ATP2C2: variants seen among roughly 807,000 people sequenced by gnomAD.
ATP2C2 encodes ATPase secretory pathway Ca2+ transporting 2, also known as calcium-transporting ATPase type 2C member 2.
A neutral mutation model predicts 110.8 loss-of-function variants in ATP2C2; 171 were observed. That is an observed-to-expected ratio of 1.54 (90% CI 1.36 to 1.75). The LOEUF (loss-of-function observed/expected upper bound fraction) is 1.75. ATP2C2 is among the 40% of genes most tolerant of loss of function. The pLI, the probability that ATP2C2 is intolerant of heterozygous loss-of-function variation, is 0.00. For synonymous variants in ATP2C2, 804 were observed against 508.4 expected (o/e 1.58, Z -7.82); for missense variants, 1,963 against 1,235.0 (o/e 1.59, Z -8.84).
chr16:84,376,034 G>T (rs893408433), intron 1 of ATP2C2, among the ~76,000 whole-genome samples: 1 of 152,130 alleles, frequency 6.6e-6, no homozygotes, highest in Non-Finnish European at 1.5e-5. Context: ...GATCCCCAGG[G>T]GTGGCGGTGT....
chr16:84,405,955 G>A (rs1225039736), intron 3 of ATP2C2, among the ~76,000 whole-genome samples: 2 of 152,198 alleles, frequency 1.3e-5, no homozygotes, highest in African/African-American at 4.8e-5. Flanking sequence ...ATTTCAGATA[G>A]ATAAACAAGA....
intron 1 of ATP2C2, among the ~76,000 whole-genome samples, chr16:84,390,041 C>G (rs989522692): frequency 2.0e-5 from 3 of 152,124 alleles, no homozygotes; most frequent in Admixed American, 1.3e-4. Flanking sequence ...CTTTATCCCA[C>G]GGCAGCCCTG....
chr16:84,439,269 T>G lies in ATP2C2; in HGVS notation c.1090T>G (p.Leu364Val). ...CAAGAAGCGGGTCATCGTGAAGAAG[T>G]TACCCATCGTGGAGACTTTAGGTGA... The part of the protein sequence containing the change: ...MAKKRVIVKK[L>V]PIVETLGCCS... The change falls in exon 12 of 27, where the codon TTA (leucine) becomes GTA (valine). Residue 364 changes from leucine (L) to valine (V), a missense_variant. Transcript: ENST00000262429. The G allele has an allele frequency of 6.2e-7, 1 of 1,612,728 alleles. No homozygotes were observed. Among genetic ancestry groups the G allele is most frequent in the Non-Finnish European group, 8.5e-7 (1 of 1,180,014 alleles).
Position 84,445,197 on chromosome 16 carries a change from G to A in ATP2C2, c.1402-1132G>A, listed in dbSNP as rs73245998. Among the ~76,000 whole-genome samples, 991 of 150,936 alleles carry A rather than the reference G, an allele frequency of 6.6e-3. 12 individuals carry two copies. The highest frequency in any genetic ancestry group is 0.023 in the African/African-American group (942 of 41,228). On this transcript the variant is annotated intron_variant, in intron 15 of 26. Transcript: ENST00000262429. ...GAGGTGCTCCCCGCCACGCCTCTGC[G>A]CAGCGTTTTCCTCTTTTTTTTTTTT...
At chr16:84,439,586 A>G (rs931077) in intron 13 of ATP2C2, 62 bp downstream of exon 13, 676,648 of 1,468,256 alleles carry the variant, frequency 0.46, 158,363 homozygotes, top group East Asian at 0.64. Flanking sequence ...CTCCTTTCTA[A>G]ACTAAGCACA....
intron 2 of ATP2C2, among the ~76,000 whole-genome samples, chr16:84,399,496 G>A (rs926627488): frequency 9.9e-5 from 15 of 152,248 alleles, no homozygotes; most frequent in Admixed American, 8.5e-4. Context: ...CTTTTGTTGC[G>A]ACCAGAACAA....
intron 3 of ATP2C2, among the ~76,000 whole-genome samples, chr16:84,406,335 G>A (rs1050997120): frequency 1.3e-5 from 2 of 152,238 alleles, no homozygotes; most frequent in Non-Finnish European, 2.9e-5. Context: ...TGAACAGGCA[G>A]AATTTTCCAG....
chr16:84,427,703 C>A (rs978406922), intron 11 of ATP2C2, among the ~76,000 whole-genome samples: 1 of 152,028 alleles, frequency 6.6e-6, no homozygotes, highest in Non-Finnish European at 1.5e-5. Flanking sequence ...GGTGACAGAG[C>A]AAGAGACTGT....
chr16:84,445,513 C>G, intron 15 of ATP2C2, among the ~76,000 whole-genome samples: 1 of 152,118 alleles, frequency 6.6e-6, no homozygotes, highest in Middle Eastern at 3.2e-3. Context: ...CGGCCTTCCT[C>G]CTCTTATATC....
rs140732640 is a variant in ATP2C2 at position 84,442,824 on chromosome 16, C to T, written c.1401+225C>T. Among the ~76,000 whole-genome samples the T allele has an allele frequency of 4.1e-3, 620 of 152,208 alleles. 5 individuals are homozygous for T. The highest frequency in any genetic ancestry group is 0.014 in the African/African-American group (592 of 41,510). On this transcript the variant is annotated intron_variant, in intron 15 of 26. Coordinates refer to ENST00000262429, the MANE Select transcript of ATP2C2 (RefSeq NM_014861.4). ...TGCAGGTCTCTAATCCCTCCACCAG[C>T]GATTCCAAAAGAATCCTATGAGCTT...
intron 10 of ATP2C2, among the ~76,000 whole-genome samples, chr16:84,423,522 G>C (rs915460745): frequency 1.3e-5 from 2 of 152,212 alleles, no homozygotes; most frequent in African/African-American, 4.8e-5. Flanking sequence ...TCCAAAGTCC[G>C]TGGGTGTATT....
intron 1 of ATP2C2, among the ~76,000 whole-genome samples, chr16:84,393,302 G>T (rs1249306899): frequency 1.3e-5 from 2 of 152,186 alleles, no homozygotes; most frequent in African/African-American, 2.4e-5. Context: ...GATGAGGGGG[G>T]TGCCCAGGTA....
At position 84,460,011 on chromosome 16, in the gene ATP2C2, G is replaced by A. The variant is rs74413265; in HGVS notation, c.2333+625G>A. On this transcript the variant is annotated intron_variant, in intron 23 of 26. Coordinates refer to ENST00000262429, the MANE Select transcript of ATP2C2 (RefSeq NM_014861.4). ...CCCATCTGGCCACGTGTGCGTAACC[G>A]TATGAGCACAGAGCCAGTGCTTCCG... 2.5e-4 allele frequency: 58 copies of A among 229,632 alleles called. No homozygotes were observed. In the East Asian group the frequency reaches 5.5e-3, roughly 22 times the overall value. The allele number at this position is 229,632 out of a possible 1,614,324, so 14.2% of individuals were successfully genotyped here. A position where few individuals can be genotyped will look rare whatever the true frequency, so the allele number is the denominator to read the frequency against.
Position 84,462,019 on chromosome 16 carries a change from G to A in ATP2C2, c.2612G>A (p.Arg871Lys). Reference protein sequence around the residue: ...TKLIFEIGFLRNHMFLYSVLG... With the variant: ...TKLIFEIGFLKNHMFLYSVLG... Reference sequence around the variant, plus strand: ...CTGATATTTGAGATCGGCTTTCTCAGGAACCACATGTTCCTCTACTCCGTC... The same window carrying A: ...CTGATATTTGAGATCGGCTTTCTCAAGAACCACATGTTCCTCTACTCCGTC... Residue 871 changes from arginine (R) to lysine (K), a missense_variant, in exon 26 of 27, where the codon AGG (arginine) becomes AAG (lysine). Physicochemically the swap from Arg to Lys is conservative, Grantham distance 26. Transcript: ENST00000262429. 6.2e-6 allele frequency: 10 copies of A among 1,613,962 alleles called. No homozygotes were observed. The highest frequency in any genetic ancestry group is 8.5e-6 in the Non-Finnish European group (10 of 1,179,870).
In ATP2C2 at chr16:84,373,106, C is replaced by T. The variant is rs549124341; in HGVS notation, c.99+4392C>T. Among the ~76,000 whole-genome samples, 250 of 140,306 alleles carry T rather than the reference C, an allele frequency of 1.8e-3. 3 individuals carry two copies. Among genetic ancestry groups the T allele is most frequent in the African/African-American group, 6.2e-3 (239 of 38,666 alleles). The allele number at this position is 140,306 out of a possible 152,430, so 92.0% of individuals were successfully genotyped here. On this transcript the variant is annotated intron_variant, in intron 1 of 26. Coordinates refer to ENST00000262429, the MANE Select transcript of ATP2C2 (RefSeq NM_014861.4). The stretch of plus-strand genomic sequence containing the variant: ...CTGCACTCCAGCCTGGAAGACAGAG[C>T]GAGACTCCCTCTCAAAAAAAAAAAA...
intron 1 of ATP2C2, among the ~76,000 whole-genome samples, chr16:84,371,891 G>A (rs1308483644): frequency 1.3e-5 from 2 of 152,340 alleles, no homozygotes; most frequent in Non-Finnish European, 1.5e-5. Context: ...AGGATGCACA[G>A]TTCTCTACCC....
At chr16:84,390,815 AAC>A (rs1357547754) in intron 1 of ATP2C2, among the ~76,000 whole-genome samples, 1 of 152,120 alleles carries the variant, frequency 6.6e-6, no homozygotes, top group African/African-American at 2.4e-5. Context: ...TAAAAAGGGA[AAC>A]ACAAAAGAAA....
rs539719907 is a variant in ATP2C2, at chr16:84,446,132, C to T, written c.1402-197C>T. Among the ~76,000 whole-genome samples the T allele has an allele frequency of 7.3e-5, 11 of 150,906 alleles. No individual in the cohort carries two copies. The East Asian group carries it at 2.1e-3, about 29-fold the overall frequency. On this transcript the variant is annotated intron_variant, in intron 15 of 26. Coordinates refer to ENST00000262429, the MANE Select transcript of ATP2C2 (RefSeq NM_014861.4). Reference sequence around the variant, plus strand: ...TGCAAAGACCGTCTTGTCTGCCCTTCAGCCAAGAGAAGAGACTTTTTTTTT... The same window carrying T: ...TGCAAAGACCGTCTTGTCTGCCCTTTAGCCAAGAGAAGAGACTTTTTTTTT...
intron 11 of ATP2C2, among the ~76,000 whole-genome samples, chr16:84,430,694 G>A (rs1050323647): frequency 2.0e-5 from 3 of 151,444 alleles, no homozygotes; most frequent in Non-Finnish European, 4.4e-5. Flanking sequence ...GAAGAGGGAG[G>A]GACCAGGGTC....
Sources: allele counts gnomAD v4.1 joint callset (sites outside exome capture counted in the v4.1 genomes callset), GRCh38; gene constraint gnomAD v4.1.1; transcripts MANE v1.5; gene names NCBI Gene and HGNC (gene_info 2026-07-23, HGNC 2026-07-21).